Variants in PSMB1 observed in about 807,000 individuals in gnomAD.
PSMB1 encodes the protein proteasome 20S subunit beta 1.
A neutral mutation model predicts 25.4 loss-of-function variants in PSMB1; 7 were observed. The observed-to-expected ratio is 0.28, with a 90% confidence interval of 0.16 to 0.52. The LOEUF (loss-of-function observed/expected upper bound fraction) is 0.52. PSMB1 is among the 20% of genes least tolerant of loss of function. The probability of loss-of-function intolerance (pLI) is 0.97; values close to 1 mark genes in which losing one functional copy is unlikely to be tolerated. For missense variants in PSMB1, 284 were observed against 302.2 expected (o/e 0.94, Z 0.45); for synonymous variants, 119 against 115.0 (o/e 1.03, Z -0.22).
intron 4 of PSMB1, among the ~76,000 whole-genome samples, chr6:170,541,251 T>C (rs548040432): frequency 3.9e-5 from 6 of 152,030 alleles, no homozygotes; most frequent in African/African-American, 1.4e-4. Context: ...ACTCAGAGAA[T>C]GTACAAGGAA....
At chr6:170,540,588 CAAAAAAAAA>C (rs5881872) in intron 4 of PSMB1, among the ~76,000 whole-genome samples, 8,445 of 61,650 alleles carry the variant, frequency 0.14, 345 homozygotes, top group Non-Finnish European at 0.17. Context: ...GAATGGACAG[CAAAAAAAAA>C]AAAAAAAAAA....
chr6:170,543,487 A>C (rs1218681603), intron 4 of PSMB1, 114 bp downstream of exon 4: 2 of 1,115,110 alleles, frequency 1.8e-6, no homozygotes, highest in African/African-American at 3.2e-5. Context: ...TCAGAAATGA[A>C]ATGAGAATTG....
intron 1 of PSMB1, among the ~76,000 whole-genome samples, chr6:170,551,096 C>A (rs886321505): frequency 6.6e-6 from 1 of 152,010 alleles, no homozygotes; most frequent in East Asian, 1.9e-4. Context: ...GAGCTGAGAT[C>A]GCACCGCTGC....
At chr6:170,540,667 C>T (rs1778748569) in intron 4 of PSMB1, among the ~76,000 whole-genome samples, 1 of 130,516 alleles carries the variant, frequency 7.7e-6, no homozygotes. Context: ...AAAATGAACA[C>T]ATAACATGAA....
chr6:170,553,216 C>T lies in PSMB1; in HGVS notation c.27G>A (p.Ser9=), dbSNP rs1246194438. The change falls in exon 1 of 6, where the codon TCG becomes TCA. Residue 9 remains serine (S), a synonymous_variant. Transcript: ENST00000262193. MLSSTAMY[S]APGRDLGMEP... ...CCATCCCCAAGTCTCTGCCAGGAGC[C>T]GAATACATGGCTGTAGAGGACAACA... is the stretch of plus-strand genomic sequence containing the variant. 6.2e-7 allele frequency: 1 copy of T among 1,613,426 alleles called. No homozygotes were observed. Among genetic ancestry groups the T allele is most frequent in the Admixed American group, 1.7e-5 (1 of 59,950 alleles).
intron 2 of PSMB1, among the ~76,000 whole-genome samples, chr6:170,548,262 T>A (rs1026349837): frequency 6.6e-6 from 1 of 152,218 alleles, no homozygotes; most frequent in Non-Finnish European, 1.5e-5. Context: ...ACCTCGTAAG[T>A]CCCATTCCTA....
At position 170,553,280 on chromosome 6, in the gene PSMB1, C is replaced by T; in HGVS notation, c.-38G>A. 4.0e-6 allele frequency: 6 copies of T among 1,503,990 alleles called. No homozygotes were observed. Among genetic ancestry groups the T allele is most frequent in the Non-Finnish European group, 5.5e-6 (6 of 1,092,158 alleles). The allele number at this position is 1,503,990 out of a possible 1,614,324, so 93.2% of individuals were successfully genotyped here. A position where few individuals can be genotyped will look rare whatever the true frequency, so the allele number is the denominator to read the frequency against. On this transcript the variant is annotated 5_prime_UTR_variant, in exon 1 of 6. Coordinates refer to ENST00000262193, the MANE Select transcript of PSMB1 (RefSeq NM_002793.4). ...CCTGCGGATCCGACACTTGCTGTCTCACGGCGAGATGGCTGCCTTGACCGG... is the reference window on the plus strand; with the variant it reads ...CCTGCGGATCCGACACTTGCTGTCTTACGGCGAGATGGCTGCCTTGACCGG...
intron 5 of PSMB1, among the ~76,000 whole-genome samples, chr6:170,536,862 G>A (rs1778700529): frequency 1.3e-5 from 2 of 152,242 alleles, no homozygotes; most frequent in South Asian, 4.1e-4. Flanking sequence ...GTATGCTTGG[G>A]AGTTCAAGTA....
intron 1 of PSMB1, among the ~76,000 whole-genome samples, chr6:170,552,787 G>C (rs1778928480): frequency 6.6e-6 from 1 of 152,258 alleles, no homozygotes; most frequent in Non-Finnish European, 1.5e-5. Context: ...GTCTTCCACA[G>C]AGCAGAGGCT....
Position 170,547,151 on chromosome 6 carries a change from T to C in PSMB1, c.222-967A>G, listed in dbSNP as rs192330305. Among the ~76,000 whole-genome samples, 591 of 152,336 alleles carry C rather than the reference T, an allele frequency of 3.9e-3. 2 individuals are homozygous for C. The highest frequency in any genetic ancestry group is 6.4e-3 in the Non-Finnish European group (433 of 68,030). On this transcript the variant is annotated intron_variant, in intron 2 of 5. Transcript: ENST00000262193. Reference sequence around the variant, plus strand: ...GGTTGTGGAAACAGTATAAACTGATTAACCTGTTAGATGGGCAATTTGGTG... The same window carrying C: ...GGTTGTGGAAACAGTATAAACTGATCAACCTGTTAGATGGGCAATTTGGTG...
chr6:170,537,814 C>G (rs6456228), intron 4 of PSMB1, among the ~76,000 whole-genome samples: 66,146 of 151,838 alleles, frequency 0.44, 14,876 homozygotes, highest in East Asian at 0.77. Context: ...AGGGAGAACA[C>G]AGAGAGAGAT....
chr6:170,547,654 C>T (rs1277219845), intron 2 of PSMB1, among the ~76,000 whole-genome samples: 1 of 152,108 alleles, frequency 6.6e-6, no homozygotes, highest in Non-Finnish European at 1.5e-5. Context: ...GTTGACAATA[C>T]CAACAGGGAA....
chr6:170,547,802 C>T (rs981331089), intron 2 of PSMB1, among the ~76,000 whole-genome samples: 18 of 147,608 alleles, frequency 1.2e-4, no homozygotes, highest in African/African-American at 4.0e-4. Flanking sequence ...ACCCACAGGA[C>T]GTGGGATGAG....
intron 4 of PSMB1, among the ~76,000 whole-genome samples, chr6:170,542,474 C>T (rs1778768833): frequency 6.6e-6 from 1 of 152,186 alleles, no homozygotes; most frequent in Admixed American, 6.5e-5. Flanking sequence ...CAAGCCAAGG[C>T]CTGCCTTGAA....
At position 170,535,266 on chromosome 6, in the gene PSMB1, G is replaced by C. The variant is rs1406322818; in HGVS notation, c.680C>G (p.Thr227Ser). 1.9e-6 allele frequency: 3 copies of C among 1,614,118 alleles called. No individual in the cohort carries two copies. The highest frequency in any genetic ancestry group is 2.5e-6 in the Non-Finnish European group (3 of 1,180,012). ...TGDALRICIVTKEGIREETVS... is the reference protein window; with the variant it reads ...TGDALRICIVSKEGIREETVS... ...AGTTTCCTCCCTGATGCCCTCTTTG[G>C]TCACTATGCAGATCCGGAGTGCGTC... is the stretch of plus-strand genomic sequence containing the variant. Residue 227 changes from threonine to serine, a missense_variant, in exon 6 of 6, where the codon ACC becomes AGC. Thr to Ser is a moderately conservative substitution (Grantham distance 58). Transcript: ENST00000262193.
At chr6:170,536,611 T>C (rs927805509) in intron 5 of PSMB1, 5 of 383,008 alleles carry the variant, frequency 1.3e-5, no homozygotes, top group African/African-American at 8.5e-5. Flanking sequence ...GTATTGTAAA[T>C]GTATTTTCTC....
chr6:170,549,289 TGG>T, intron 1 of PSMB1, 176 bp from the exon 2 acceptor site: 1 of 503,232 alleles, frequency 2.0e-6, no homozygotes, highest in Middle Eastern at 4.8e-4. Context: ...ACGAGTTGTC[TGG>T]GAAAAAAAAA....
intron 4 of PSMB1, among the ~76,000 whole-genome samples, chr6:170,539,559 G>A (rs1778732553): frequency 6.6e-6 from 1 of 152,096 alleles, no homozygotes; most frequent in African/African-American, 2.4e-5. Context: ...ATATATAAAT[G>A]AAAATAATAA....
chr6:170,549,010 T>C lies in PSMB1; in HGVS notation c.217A>G (p.Lys73Glu), dbSNP rs1410802358. 1 of 1,595,162 alleles carries C rather than the reference T, an allele frequency of 6.3e-7. No individual in the cohort carries two copies. The highest frequency in any genetic ancestry group is 1.1e-5 in the South Asian group (1 of 90,614). Residue 73 changes from lysine (K) to glutamate (E), a missense_variant, in exon 2 of 6, where the codon AAA (lysine) becomes GAA (glutamate). By Grantham distance (56) the Lys-to-Glu change is moderately conservative (BLOSUM62 1). Transcript: ENST00000262193. ...IHTRDSPKCY[K>E]LTDKTVIGCS... ...TCTTTAGAAATATTTACTTACAATT[T>C]GTAACATTTGGGGCTATCCCGCGTA...
Sources: gnomAD v4.1 joint callset for allele counts (sites outside exome capture counted in the v4.1 genomes callset) on GRCh38, gnomAD v4.1.1 for gene constraint, MANE v1.5 for transcripts, NCBI Gene and HGNC (gene_info 2026-07-23, HGNC 2026-07-21) for gene names.